The following AOAH variants were observed in gnomAD, a reference collection of about 807,000 sequenced individuals.
AOAH encodes acyloxyacyl hydrolase.
In AOAH, 64 loss-of-function variants were observed where a neutral mutation model predicts 92.2. The observed-to-expected ratio is 0.69, with a 90% CI of 0.57 to 0.86. AOAH has a LOEUF of 0.86. Ranked by LOEUF, AOAH falls within the 40% of genes least tolerant of loss-of-function variation. The probability of loss-of-function intolerance (pLI) is 0.00; values close to 1 mark genes in which losing one functional copy is unlikely to be tolerated. For synonymous variants in AOAH, 263 were observed against 254.5 expected (o/e 1.03, Z -0.32); for missense variants, 656 against 694.6 (o/e 0.94, Z 0.62).
Position 36,623,185 on chromosome 7 carries a change from C to A in AOAH, c.582+5G>T. 1 of 1,612,748 alleles carries A rather than the reference C, an allele frequency of 6.2e-7. No homozygotes were observed. Among genetic ancestry groups the A allele is most frequent in the Non-Finnish European group, 8.5e-7 (1 of 1,178,776 alleles). On this transcript the variant is annotated splice_donor_5th_base_variant and intron_variant, in intron 7 of 20. Coordinates refer to ENST00000617537, the MANE Select transcript of AOAH (RefSeq NM_001637.4). Reference sequence around the variant, plus strand: ...GAACATCTGGTTATTCCTAACAATACTTACTGGGAAAACGCTGTATTTGTC... The same window carrying A: ...GAACATCTGGTTATTCCTAACAATAATTACTGGGAAAACGCTGTATTTGTC...
chr7:36,604,242 A>G (rs993624798), intron 11 of AOAH, among the ~76,000 whole-genome samples: 3 of 152,214 alleles, frequency 2.0e-5, no homozygotes, highest in Non-Finnish European at 4.4e-5. Context: ...CATTCAGACC[A>G]TTGCAAGTAT....
chr7:36,606,978 A>G (rs1791052741), intron 11 of AOAH, among the ~76,000 whole-genome samples: 1 of 152,196 alleles, frequency 6.6e-6, no homozygotes, highest in Non-Finnish European at 1.5e-5. Context: ...CTCTGGAACC[A>G]TGAGAGAGAG....
At chr7:36,616,543 A>G (rs1285063050) in intron 10 of AOAH, 69 bp from the exon 11 acceptor site, 2 of 1,201,344 alleles carry the variant, frequency 1.7e-6, no homozygotes, top group Non-Finnish European at 2.4e-6. Flanking sequence ...CTGGGTAGAT[A>G]TAAGAGCGGA....
chr7:36,575,331 C>A (rs17399974), intron 13 of AOAH, among the ~76,000 whole-genome samples: 13,873 of 152,258 alleles, frequency 0.091, 743 homozygotes, highest in Admixed American at 0.14. Flanking sequence ...CTGTAACTTA[C>A]TATCTGTGTG....
At chr7:36,558,656 T>C (rs544187195) in intron 13 of AOAH, among the ~76,000 whole-genome samples, 175 of 152,376 alleles carry the variant, frequency 1.1e-3, no homozygotes, top group African/African-American at 4.1e-3. Context: ...CTGCTTTGTT[T>C]ACCTAAGCAA....
chr7:36,627,320 G>C lies in AOAH; in HGVS notation c.522-4070C>G, dbSNP rs536241325. 1.3e-3 allele frequency among the ~76,000 whole-genome samples: 203 copies of C among 152,308 alleles called. 1 individual carries two copies. The highest frequency in any genetic ancestry group is 2.3e-3 in the Non-Finnish European group (154 of 68,026). ...CTAAAGGATGAGACAGCATTTTCAA[G>C]GCAAGCAATTGGACTGAGGACAGCG... On this transcript the variant is annotated intron_variant, in intron 6 of 20. Transcript: ENST00000617537.
rs1193644679 is a variant in AOAH at position 36,614,098 on chromosome 7, G to GGAA, written c.846+2279_846+2281dup. Among the ~76,000 whole-genome samples the GGAA allele has an allele frequency of 6.6e-6, 1 of 152,152 alleles. No homozygotes were observed. The highest frequency in any genetic ancestry group is 2.4e-5 in the African/African-American group (1 of 41,420). On this transcript the variant is annotated intron_variant, in intron 11 of 20. Coordinates refer to ENST00000617537, the MANE Select transcript of AOAH (RefSeq NM_001637.4). The surrounding 1 kb of genome is among the most constrained non-coding windows in gnomAD (Gnocchi z 4.2). ...GATCAGTTTCAGTTTTCTGGGAGAG[G>GGAA]GAAGAGGGAAGCACATCCATAGGTG...
chr7:36,561,601 A>G (rs1314830208), intron 13 of AOAH, among the ~76,000 whole-genome samples: 2 of 152,170 alleles, frequency 1.3e-5, no homozygotes, highest in African/African-American at 2.4e-5. Context: ...ATTCAGTTCC[A>G]GTCCGGTGAC....
intron 6 of AOAH, among the ~76,000 whole-genome samples, chr7:36,626,247 G>C (rs1280867363): frequency 6.6e-6 from 1 of 152,192 alleles, no homozygotes; most frequent in East Asian, 1.9e-4. Context: ...GCCTGAGAAA[G>C]AAAAAGGAGC....
chr7:36,677,610 TTA>T (rs765750682), intron 2 of AOAH, among the ~76,000 whole-genome samples: 22 of 151,714 alleles, frequency 1.5e-4, no homozygotes, highest in Admixed American at 1.3e-4. Context: ...GTGATCCAGT[TTA>T]TATATATATA....
At chr7:36,577,658 C>A (rs1788611657) in intron 12 of AOAH, among the ~76,000 whole-genome samples, 1 of 151,948 alleles carries the variant, frequency 6.6e-6, no homozygotes, top group African/African-American at 2.4e-5. Context: ...TTTTCATTTT[C>A]TTTCGCTTAA....
At chr7:36,518,555 A>T (rs1639164063) in intron 20 of AOAH, among the ~76,000 whole-genome samples, 1 of 152,174 alleles carries the variant, frequency 6.6e-6, no homozygotes, top group South Asian at 2.1e-4. Context: ...GCAGCTCAGG[A>T]GGTCATCGGC....
intron 13 of AOAH, among the ~76,000 whole-genome samples, chr7:36,554,148 A>T (rs570315631): frequency 5.9e-5 from 9 of 152,274 alleles, no homozygotes; most frequent in Admixed American, 5.9e-4. Flanking sequence ...TCCATCTTGA[A>T]TTAATTTTTG....
chr7:36,610,511 T>A (rs527465078), intron 11 of AOAH, among the ~76,000 whole-genome samples: 6,960 of 66,866 alleles, frequency 0.1, 187 homozygotes, highest in Middle Eastern at 0.21. Flanking sequence ...TTTTTTTTTT[T>A]AAAAAAAAAG....
chr7:36,573,974 C>T (rs1161724851), intron 13 of AOAH, among the ~76,000 whole-genome samples: 1 of 152,048 alleles, frequency 6.6e-6, no homozygotes, highest in Non-Finnish European at 1.5e-5. Flanking sequence ...TTTCCTATAT[C>T]TAATAAAAAC....
At chr7:36,616,323 G>T in intron 11 of AOAH, 57 bp downstream of exon 11, 1 of 1,420,026 alleles carries the variant, frequency 7.0e-7, no homozygotes, top group Non-Finnish European at 9.9e-7. Flanking sequence ...GAGAGAGCAA[G>T]AGGAAACAAA....
At chr7:36,699,478 T>C (rs888098005) in intron 1 of AOAH, among the ~76,000 whole-genome samples, 4 of 152,058 alleles carry the variant, frequency 2.6e-5, no homozygotes, top group Non-Finnish European at 5.9e-5. Flanking sequence ...CCTGTCTTTT[T>C]AACTGGGGGT....
chr7:36,704,137 G>A lies in AOAH; in HGVS notation c.128-17343C>T, dbSNP rs565481276. Among the ~76,000 whole-genome samples the A allele has an allele frequency of 6.6e-5, 10 of 152,070 alleles. No homozygotes were observed. In the South Asian group the frequency reaches 8.3e-4, roughly 13 times the overall value. Reference sequence around the variant, plus strand: ...GGTTTTTTTTTCATGTTTGTTGGCCGCATAAATGTCTTCTTTTGAAAAGTG... The same window carrying A: ...GGTTTTTTTTTCATGTTTGTTGGCCACATAAATGTCTTCTTTTGAAAAGTG... On this transcript the variant is annotated intron_variant, in intron 1 of 20. Transcript: ENST00000617537.
At chr7:36,558,226 C>G in intron 13 of AOAH, among the ~76,000 whole-genome samples, 1 of 152,162 alleles carries the variant, frequency 6.6e-6, no homozygotes. Context: ...AGCTGCAGGT[C>G]TGTTGGAGTT....
Sources: allele counts gnomAD v4.1 joint callset (sites outside exome capture counted in the v4.1 genomes callset), GRCh38; gene constraint gnomAD v4.1.1; non-coding constraint Gnocchi (gnomAD v3.1); transcripts MANE v1.5; gene names NCBI Gene and HGNC (gene_info 2026-07-23, HGNC 2026-07-21).